The following IKZF1 variants were observed in gnomAD, a reference collection of about 807,000 sequenced individuals.
The protein encoded by IKZF1 is IKAROS family zinc finger 1.
IKZF1 carries 10 observed loss-of-function variants against 51.7 expected under a neutral mutation model. The observed-to-expected ratio is 0.19, with a 90% CI of 0.12 to 0.33. The LOEUF (loss-of-function observed/expected upper bound fraction) is 0.33. Among genes scored for constraint, IKZF1 ranks in the 10% least tolerant of loss-of-function variants. The pLI, the probability that IKZF1 is intolerant of heterozygous loss-of-function variation, is 1.00. For synonymous variants in IKZF1, 280 were observed against 282.3 expected (o/e 0.99, Z 0.08); for missense variants, 484 against 707.5 (o/e 0.68, Z 3.58).
At chr7:50,320,167 T>TA (rs1404933540) in intron 2 of IKZF1, among the ~76,000 whole-genome samples, 2 of 152,238 alleles carry the variant, frequency 1.3e-5, no homozygotes, top group Non-Finnish European at 1.5e-5. Context: ...TCGTATTTAT[T>TA]ACAATATAAT....
intron 3 of IKZF1, among the ~76,000 whole-genome samples, chr7:50,354,423 C>A (rs1802691591): frequency 1.3e-5 from 2 of 152,184 alleles, no homozygotes; most frequent in African/African-American, 4.8e-5. Context: ...GCCTCCCAGG[C>A]ACAGGGCAGA....
intron 3 of IKZF1, chr7:50,368,122 A>G: frequency 1.4e-6 from 1 of 703,616 alleles, no homozygotes; most frequent in Non-Finnish European, 2.6e-6. Flanking sequence ...CCTATCATGT[A>G]AATATCGTAC....
At chr7:50,341,784 A>C (rs1656573737) in intron 3 of IKZF1, among the ~76,000 whole-genome samples, 2 of 152,296 alleles carry the variant, frequency 1.3e-5, no homozygotes, top group South Asian at 4.1e-4. Flanking sequence ...AGCAATTGTT[A>C]ATGAAATATT....
chr7:50,339,631 G>A (rs1250355934), intron 3 of IKZF1, among the ~76,000 whole-genome samples: 1 of 151,932 alleles, frequency 6.6e-6, no homozygotes, highest in Non-Finnish European at 1.5e-5. Flanking sequence ...GCGTGTGCCT[G>A]TAGTCCCAGC....
At chr7:50,342,280 A>C (rs1255713345) in intron 3 of IKZF1, among the ~76,000 whole-genome samples, 1 of 152,262 alleles carries the variant, frequency 6.6e-6, no homozygotes, top group Non-Finnish European at 1.5e-5. Context: ...AGAATACAAC[A>C]ACATGTGAAC....
chr7:50,329,621 G>A (rs1247292899), intron 3 of IKZF1, among the ~76,000 whole-genome samples: 1 of 152,208 alleles, frequency 6.6e-6, no homozygotes, highest in Non-Finnish European at 1.5e-5. Context: ...AATAGTCATT[G>A]GGTGGTGATG....
intron 3 of IKZF1, among the ~76,000 whole-genome samples, chr7:50,360,714 ACACT>A (rs1289001356): frequency 6.6e-6 from 1 of 152,232 alleles, no homozygotes; most frequent in Non-Finnish European, 1.5e-5. Flanking sequence ...CACGCTGCAG[ACACT>A]CTGACGACTG....
chr7:50,369,431 A>G (rs1030977755), intron 3 of IKZF1: 2 of 398,308 alleles, frequency 5.0e-6, no homozygotes, highest in Admixed American at 8.8e-5. Flanking sequence ...TATAAAAGAG[A>G]TGATATACAC....
chr7:50,380,475 G>A (rs963032694), intron 4 of IKZF1, among the ~76,000 whole-genome samples: 2 of 152,154 alleles, frequency 1.3e-5, no homozygotes, highest in Non-Finnish European at 2.9e-5. Context: ...GAGAGACATG[G>A]GACTCCAGCA....
intron 3 of IKZF1, chr7:50,367,887 CA>C (rs1176300866): frequency 1.7e-6 from 1 of 603,620 alleles, no homozygotes; most frequent in African/African-American, 1.9e-5. Flanking sequence ...AGTAGCTGAA[CA>C]GTGGTTTTGA....
intron 2 of IKZF1, among the ~76,000 whole-genome samples, chr7:50,324,880 G>A (rs1794457155): frequency 6.6e-6 from 1 of 152,038 alleles, no homozygotes; most frequent in Admixed American, 6.5e-5. Flanking sequence ...TGGTTCCAGG[G>A]CCCCATGCAT....
At chr7:50,396,076 C>T (rs759026564) in intron 7 of IKZF1, among the ~76,000 whole-genome samples, 6 of 152,108 alleles carry the variant, frequency 3.9e-5, no homozygotes, top group Non-Finnish European at 7.4e-5. Context: ...TAAAAAATTC[C>T]TGCCATTTTG....
chr7:50,364,371 G>C (rs547027437), intron 3 of IKZF1, among the ~76,000 whole-genome samples: 1 of 152,192 alleles, frequency 6.6e-6, no homozygotes, highest in Admixed American at 6.5e-5. Context: ...AGAGTTTGGG[G>C]AATAGAAATT....
rs143406270 is a variant in IKZF1, at chr7:50,367,315, C to CGT, written c.161-9201_161-9200dup. On this transcript the variant is annotated intron_variant, in intron 3 of 7. Transcript: ENST00000331340. ...TGTGACTCTTGGGGGAAAGATTGTG[C>CGT]GTGTGTGTGTGTGTGTGTACACATG... is the stretch of plus-strand genomic sequence containing the variant. Among the ~76,000 whole-genome samples the CGT allele has an allele frequency of 6.2e-4, 93 of 150,568 alleles. 1 individual carries two copies. The Middle Eastern group carries it at 0.011, about 17-fold the overall frequency.
intron 3 of IKZF1, among the ~76,000 whole-genome samples, chr7:50,353,801 A>G (rs964449313): frequency 6.6e-6 from 1 of 152,118 alleles, no homozygotes; most frequent in African/African-American, 2.4e-5. Flanking sequence ...CCTTTTACAT[A>G]TTTCTCTCCA....
chr7:50,310,568 G>T (rs1789924184), intron 1 of IKZF1, among the ~76,000 whole-genome samples: 1 of 152,124 alleles, frequency 6.6e-6, no homozygotes. Context: ...CTACAAAATG[G>T]GGTCTAAACT....
chr7:50,325,500 C>T (rs890824000), intron 2 of IKZF1, among the ~76,000 whole-genome samples: 1 of 152,140 alleles, frequency 6.6e-6, no homozygotes, highest in Non-Finnish European at 1.5e-5. Context: ...ATAGGCCGGG[C>T]GCAGTGGCTC....
At chr7:50,365,180 A>G (rs142916520) in intron 3 of IKZF1, among the ~76,000 whole-genome samples, 273 of 152,338 alleles carry the variant, frequency 1.8e-3, no homozygotes, top group African/African-American at 5.8e-3. Context: ...GAACTTTGGC[A>G]TGGAACAGAG....
chr7:50,306,319 C>G (rs1216109087), intron 1 of IKZF1, among the ~76,000 whole-genome samples: 1 of 152,122 alleles, frequency 6.6e-6, no homozygotes, highest in African/African-American at 2.4e-5. Context: ...AAAAACGTGA[C>G]TCTTAAGTCT....
Sources: allele counts gnomAD v4.1 joint callset (sites outside exome capture counted in the v4.1 genomes callset), GRCh38; gene constraint gnomAD v4.1.1; transcripts MANE v1.5; gene names NCBI Gene and HGNC (gene_info 2026-07-23, HGNC 2026-07-21).